SPO11: variants seen among roughly 807,000 people sequenced by gnomAD.
SPO11 encodes the protein SPO11 initiator of meiotic double strand breaks, also known as meiotic recombination protein SPO11.
SPO11 carries 49 observed loss-of-function variants against 51.6 expected under a neutral mutation model. The observed-to-expected ratio is 0.95, with a 90% confidence interval of 0.75 to 1.20. The LOEUF (loss-of-function observed/expected upper bound fraction) is 1.20. SPO11 is among the 50% of genes most tolerant of loss of function. The pLI is 0.00. For synonymous variants in SPO11, 176 were observed against 158.2 expected, an observed-to-expected ratio of 1.11 and a Z score of -0.84; for missense variants, 431 against 473.4, an observed-to-expected ratio of 0.91 and a Z score of 0.83.
rs2066609860 is a variant in SPO11, at chr20:57,343,597, T to C, written c.*137T>C. On this transcript the variant is annotated 3_prime_UTR_variant, in exon 13 of 13. Transcript: ENST00000371263. ...AAATAAAATAACTTTCCGTTAATTA[T>C]ATATTTTTGTCAAAACAAATGCTGT... 3.8e-6 allele frequency: 4 copies of C among 1,061,774 alleles called. No homozygotes were observed. The South Asian group carries it at 6.3e-5, about 17-fold the overall frequency. 65.8% of individuals were successfully genotyped at this position (1,061,774 alleles called of 1,614,324 possible).
Position 57,340,076 on chromosome 20 carries a change from T to A in SPO11, c.883-26T>A, listed in dbSNP as rs530227135. On this transcript the variant is annotated intron_variant, in intron 10 of 12. Transcript: ENST00000371263. ...TAGTTTTCTACAATTTAGCCTCACC[T>A]AATATACTTTTGTTCTTTATTTTAG... 20 of 1,491,890 alleles carry A rather than the reference T, an allele frequency of 1.3e-5. No homozygotes were observed. The South Asian group carries it at 2.2e-4, about 16-fold the overall frequency. The allele number at this position is 1,491,890 out of a possible 1,614,324, so 92.4% of individuals were successfully genotyped here.
intron 4 of SPO11, 35 bp downstream of exon 4, chr20:57,333,788 A>T: frequency 8.2e-7 from 1 of 1,223,764 alleles, no homozygotes; most frequent in Non-Finnish European, 1.2e-6. Flanking sequence ...ACTCTTCAAA[A>T]TGTAATGTGA....
At chr20:57,330,528 A>C (rs1208970121) in intron 1 of SPO11, among the ~76,000 whole-genome samples, 1 of 152,186 alleles carries the variant, frequency 6.6e-6, no homozygotes, top group Non-Finnish European at 1.5e-5. Context: ...TTGTTTTGCA[A>C]GTGGAGAGAA....
At chr20:57,340,022 T>G in intron 10 of SPO11, 80 bp from the exon 11 acceptor site, 1 of 944,536 alleles carries the variant, frequency 1.1e-6, no homozygotes, top group Non-Finnish European at 1.7e-6. Context: ...TCTTAATAAG[T>G]GAAAAATTTG....
chr20:57,332,291 C>T (rs1378967374), intron 2 of SPO11, among the ~76,000 whole-genome samples: 2 of 152,160 alleles, frequency 1.3e-5, no homozygotes, highest in African/African-American at 4.8e-5. Context: ...GTCATGGGTG[C>T]AATTCTCACA....
chr20:57,330,077 C>A, intron 1 of SPO11, 79 bp downstream of exon 1: 1 of 1,473,248 alleles, frequency 6.8e-7, no homozygotes, highest in Non-Finnish European at 9.0e-7. Context: ...GGGCTGCCTC[C>A]TAGTGTTGAG....
At chr20:57,334,478 T>C (rs935362789) in intron 5 of SPO11, among the ~76,000 whole-genome samples, 1 of 152,208 alleles carries the variant, frequency 6.6e-6, no homozygotes, top group Non-Finnish European at 1.5e-5. Context: ...AAACATAATA[T>C]AGTCTTCTTT....
chr20:57,339,025 TG>T lies in SPO11; in HGVS notation c.882+1del. The part of the protein sequence containing the change: ...EIMCIYKYGS[M>X]SMSFEAHHLT... Reference sequence around the variant, plus strand: ...ATGTGCATCTATAAGTATGGATCTATGGTAAGTATAGAAAAGCAGTTTTCCT... The same window carrying T: ...ATGTGCATCTATAAGTATGGATCTATGTAAGTATAGAAAAGCAGTTTTCCT... On this transcript the variant is annotated frameshift_variant and splice_region_variant, in exon 10 of 13. Transcript: ENST00000371263. LOFTEE classifies it high-confidence loss of function. 3.4e-6 allele frequency: 5 copies of T among 1,471,548 alleles called. No homozygotes were observed. Among genetic ancestry groups the T allele is most frequent in the Non-Finnish European group, 4.6e-6 (5 of 1,082,958 alleles). 91.2% of individuals were successfully genotyped at this position (1,471,548 alleles called of 1,614,324 possible). A position where few individuals can be genotyped will look rare whatever the true frequency, so the allele number is the denominator to read the frequency against.
Position 57,343,395 on chromosome 20 carries a change from C to T in SPO11, c.1126C>T (p.Leu376=). 2 of 1,610,998 alleles carry T rather than the reference C, an allele frequency of 1.2e-6. No individual in the cohort carries two copies. The highest frequency in any genetic ancestry group is 1.7e-6 in the Non-Finnish European group (2 of 1,178,790). The change falls in exon 13 of 13, where the codon CTA becomes TTA. Residue 376 remains leucine (L), a synonymous_variant. Coordinates refer to ENST00000371263, the MANE Select transcript of SPO11 (RefSeq NM_012444.3). ...MKAEIQALTF[L]SSDYLSRVYL... is the part of the protein sequence containing the mutation. Reference sequence around the variant, plus strand: ...GGCAGAAATTCAAGCTTTGACTTTCCTATCATCAGATTATCTTTCCAGAGT... The same window carrying T: ...GGCAGAAATTCAAGCTTTGACTTTCTTATCATCAGATTATCTTTCCAGAGT...
In SPO11 at chr20:57,335,443, C is replaced by T. The variant is rs1476988426; in HGVS notation, c.622C>T (p.Gln208Ter). The T allele has an allele frequency of 6.2e-7, 1 of 1,610,176 alleles. No homozygotes were observed. Among genetic ancestry groups the T allele is most frequent in the African/African-American group, 1.3e-5 (1 of 74,698 alleles). The change falls in exon 7 of 13, where the codon CAA becomes TAA. Residue 208 changes from glutamine (Q) to a stop codon, truncating the protein, a stop_gained. Transcript: ENST00000371263. LOFTEE classifies it high-confidence loss of function. ...ATAVAVPSNI[Q>*]GIRNLVTDAK... ...GGCTGTTGCTGTGCCATCGAATATT[C>T]AAGGAATTCGGAGTATCCTTTAAGT...
chr20:57,343,113 A>C (rs1306216931), intron 12 of SPO11, among the ~76,000 whole-genome samples: 1 of 152,218 alleles, frequency 6.6e-6, no homozygotes, highest in African/African-American at 2.4e-5. Context: ...AAAAAAAGGA[A>C]GAAGAAATCA....
At chr20:57,331,737 TAA>T (rs57357714) in intron 1 of SPO11, 94 bp from the exon 2 acceptor site, 1 of 593,634 alleles carries the variant, frequency 1.7e-6, no homozygotes, top group Non-Finnish European at 2.8e-6. Flanking sequence ...AAGAATAAAA[TAA>T]AAAGTTACTT....
chr20:57,337,724 AT>A (rs11476029), intron 8 of SPO11: 35,275 of 1,280,490 alleles, frequency 0.028, 691 homozygotes, highest in African/African-American at 0.091. Flanking sequence ...TATAATGTAC[AT>A]TTTTTTTTCA....
chr20:57,341,677 C>T (rs1260853352), intron 11 of SPO11, among the ~76,000 whole-genome samples: 2 of 152,190 alleles, frequency 1.3e-5, no homozygotes, highest in Non-Finnish European at 1.5e-5. Context: ...AATATTCACA[C>T]TCCACTGGAT....
chr20:57,337,382 T>A (rs1205716501), intron 8 of SPO11, among the ~76,000 whole-genome samples: 1 of 152,210 alleles, frequency 6.6e-6, no homozygotes, highest in African/African-American at 2.4e-5. Flanking sequence ...TTAATTCCTA[T>A]AATAATCTCA....
chr20:57,337,642 T>G, intron 8 of SPO11: 2 of 767,400 alleles, frequency 2.6e-6, no homozygotes, highest in South Asian at 3.1e-5. Flanking sequence ...ATTATTTCTG[T>G]TTTTGCTGAA....
intron 1 of SPO11, among the ~76,000 whole-genome samples, chr20:57,331,095 A>G (rs913117826): frequency 6.6e-6 from 1 of 152,232 alleles, no homozygotes; most frequent in Admixed American, 6.5e-5. Context: ...CTTCCTAGAC[A>G]ATAAGCTCAT....
At chr20:57,333,821 T>G in intron 4 of SPO11, 68 bp downstream of exon 4, 1 of 1,064,136 alleles carries the variant, frequency 9.4e-7, no homozygotes, top group Admixed American at 2.1e-5. Context: ...TTAACTTTTA[T>G]TATATGCTTT....
chr20:57,340,355 C>T (rs2146099203), intron 11 of SPO11, among the ~76,000 whole-genome samples, 177 bp downstream of exon 11: 1 of 152,304 alleles, frequency 6.6e-6, no homozygotes, highest in South Asian at 2.1e-4. Flanking sequence ...GTTTCAACTA[C>T]TAAAATATTT....
Sources: gnomAD v4.1 joint callset for allele counts (sites outside exome capture counted in the v4.1 genomes callset) on GRCh38, gnomAD v4.1.1 for gene constraint, MANE v1.5 for transcripts, NCBI Gene and HGNC (gene_info 2026-07-23, HGNC 2026-07-21) for gene names.